SAMD4A: variants seen among roughly 807,000 people sequenced by gnomAD.
SAMD4A encodes sterile alpha motif domain containing 4A.
SAMD4A carries 33 observed loss-of-function variants against 81.3 expected under a neutral mutation model. The ratio of observed to expected loss-of-function variants is 0.41; its 90% CI spans 0.31 to 0.54. The LOEUF (loss-of-function observed/expected upper bound fraction) is 0.54. SAMD4A is among the 20% of genes least tolerant of loss of function. SAMD4A has a pLI of 0.37. For missense variants in SAMD4A, 854 were observed against 951.1 expected (o/e 0.90, Z 1.34); for synonymous variants, 389 against 382.1 (o/e 1.02, Z -0.21).
At chr14:54,738,933 G>C (rs1301139355) in intron 4 of SAMD4A, among the ~76,000 whole-genome samples, 1 of 152,068 alleles carries the variant, frequency 6.6e-6, no homozygotes, top group Non-Finnish European at 1.5e-5. Flanking sequence ...GGGTAAGGAG[G>C]ATCCTATAGA....
intron 2 of SAMD4A, among the ~76,000 whole-genome samples, chr14:54,637,849 T>G (rs2035073794): frequency 6.6e-6 from 1 of 152,238 alleles, no homozygotes; most frequent in African/African-American, 2.4e-5. Flanking sequence ...CTCCTTTGTT[T>G]CATGTGCCAC....
chr14:54,639,104 T>C (rs1450568262), intron 2 of SAMD4A, among the ~76,000 whole-genome samples: 1 of 152,216 alleles, frequency 6.6e-6, no homozygotes, highest in African/African-American at 2.4e-5. Context: ...TGGTACTTAT[T>C]GACCCCAGCA....
At chr14:54,775,259 A>T in intron 10 of SAMD4A, 124 bp downstream of exon 10, 1 of 1,005,042 alleles carries the variant, frequency 9.9e-7, no homozygotes, top group Non-Finnish European at 1.5e-6. Context: ...GGCAGTTGCC[A>T]CCATTCCTCA....
intron 2 of SAMD4A, among the ~76,000 whole-genome samples, chr14:54,582,886 G>C (rs2033509497): frequency 6.6e-6 from 1 of 152,088 alleles, no homozygotes; most frequent in South Asian, 2.1e-4. Context: ...GGTCAATCTT[G>C]GTGAAAAGTT....
chr14:54,682,019 C>T lies in SAMD4A; in HGVS notation c.197-20043C>T, dbSNP rs569269282. 8 of 985,284 alleles carry T rather than the reference C, an allele frequency of 8.1e-6. No individual in the cohort carries two copies. In the South Asian group the frequency reaches 1.9e-4, roughly 23 times the overall value. 61.0% of individuals were successfully genotyped at this position (985,284 alleles called of 1,614,324 possible). The stretch of plus-strand genomic sequence containing the variant: ...GTACCTGGGTCTAGGACTGGCCTTA[C>T]AGAGTGTTAAGGATGAATATTATGA... On this transcript the variant is annotated intron_variant, in intron 2 of 12. Coordinates refer to ENST00000554335, the MANE Select transcript of SAMD4A (RefSeq NM_015589.6).
intron 2 of SAMD4A, among the ~76,000 whole-genome samples, chr14:54,626,272 C>T (rs1474094468): frequency 6.6e-6 from 1 of 152,138 alleles, no homozygotes. Flanking sequence ...TCACTTTCCA[C>T]AGGATACTGT....
At chr14:54,582,909 G>A (rs75023470) in intron 2 of SAMD4A, among the ~76,000 whole-genome samples, 1,895 of 152,230 alleles carry the variant, frequency 0.012, 42 homozygotes, top group African/African-American at 0.043. Flanking sequence ...TGAGAGTAAA[G>A]TGTGCTGCTA....
At chr14:54,570,008 A>C (rs2033081855) in intron 2 of SAMD4A, among the ~76,000 whole-genome samples, 1 of 152,214 alleles carries the variant, frequency 6.6e-6, no homozygotes, top group Non-Finnish European at 1.5e-5. Context: ...TTTTCCCTTA[A>C]GACATGTTTG....
At chr14:54,733,070 T>C (rs2037597768) in intron 3 of SAMD4A, among the ~76,000 whole-genome samples, 1 of 152,134 alleles carries the variant, frequency 6.6e-6, no homozygotes, top group Non-Finnish European at 1.5e-5. Context: ...TTAAAGATGC[T>C]AGGAGATGAA....
At chr14:54,651,324 G>A (rs972583208) in intron 2 of SAMD4A, among the ~76,000 whole-genome samples, 7 of 152,320 alleles carry the variant, frequency 4.6e-5, no homozygotes, top group African/African-American at 1.7e-4. Context: ...AATGCACCAA[G>A]TAAAGACGAG....
At chr14:54,597,584 CT>C (rs71127662) in intron 2 of SAMD4A, among the ~76,000 whole-genome samples, 6,262 of 90,828 alleles carry the variant, frequency 0.069, 131 homozygotes, top group Middle Eastern at 0.11. Context: ...TTCCTTCTAT[CT>C]TTTTTTTTTT....
At chr14:54,787,089 C>T (rs1850801867) in intron 12 of SAMD4A, among the ~76,000 whole-genome samples, 1 of 152,126 alleles carries the variant, frequency 6.6e-6, no homozygotes, top group Non-Finnish European at 1.5e-5. Flanking sequence ...AGACAGTATG[C>T]TAATGAGTCA....
intron 2 of SAMD4A, among the ~76,000 whole-genome samples, chr14:54,626,018 GTGT>G (rs2034738556): frequency 1.4e-3 from 48 of 34,564 alleles, no homozygotes; most frequent in East Asian, 0.01. Context: ...ACTGCTAGGT[GTGT>G]GTGTGTGTGT....
chr14:54,677,954 A>G (rs376680474), intron 2 of SAMD4A, among the ~76,000 whole-genome samples: 43 of 152,320 alleles, frequency 2.8e-4, no homozygotes, highest in African/African-American at 9.9e-4. Flanking sequence ...CTGTCTATCA[A>G]TCGTAAAGGA....
chr14:54,610,786 G>A (rs1033087115), intron 2 of SAMD4A, among the ~76,000 whole-genome samples: 2 of 152,176 alleles, frequency 1.3e-5, no homozygotes, highest in Non-Finnish European at 2.9e-5. Flanking sequence ...CAGCTCCAGT[G>A]CATTTTTTAG....
chr14:54,738,754 G>A (rs1033447182), intron 4 of SAMD4A, among the ~76,000 whole-genome samples: 3 of 152,194 alleles, frequency 2.0e-5, no homozygotes, highest in African/African-American at 7.2e-5. Flanking sequence ...GACTGGCTTG[G>A]CATCTGTCAA....
At chr14:54,767,146 G>C (rs2038569078) in intron 8 of SAMD4A, among the ~76,000 whole-genome samples, 1 of 152,082 alleles carries the variant, frequency 6.6e-6, no homozygotes, top group African/African-American at 2.4e-5. Context: ...TGAGAGAGAG[G>C]AAAAGCTGTC....
At chr14:54,599,540 A>G (rs1174329777) in intron 2 of SAMD4A, among the ~76,000 whole-genome samples, 1 of 152,204 alleles carries the variant, frequency 6.6e-6, no homozygotes, top group East Asian at 1.9e-4. Context: ...CCTAATATCT[A>G]TGATGAAGGA....
chr14:54,619,942 TC>T (rs1232975170), intron 2 of SAMD4A, among the ~76,000 whole-genome samples: 2 of 152,218 alleles, frequency 1.3e-5, no homozygotes, highest in Non-Finnish European at 2.9e-5. Context: ...TTGTTTATTT[TC>T]CTTTGGACTT....
Sources: allele counts gnomAD v4.1 joint callset (sites outside exome capture counted in the v4.1 genomes callset), GRCh38; gene constraint gnomAD v4.1.1; transcripts MANE v1.5; gene names NCBI Gene and HGNC (gene_info 2026-07-23, HGNC 2026-07-21).